PLD5: variants seen among roughly 807,000 people sequenced by gnomAD.
PLD5 encodes inactive phospholipase D5.
In PLD5, 36 loss-of-function variants were observed where a neutral mutation model predicts 61.1. That is an observed-to-expected ratio of 0.59 (90% CI 0.45 to 0.78). The LOEUF (loss-of-function observed/expected upper bound fraction) is 0.78, where lower values mean the gene tolerates loss of function less well. Ranked by LOEUF, PLD5 falls within the 30% of genes least tolerant of loss-of-function variation. The pLI, the probability that PLD5 is intolerant of heterozygous loss-of-function variation, is 0.00. For missense variants in PLD5, 515 were observed against 644.4 expected, an observed-to-expected ratio of 0.80 and a Z score of 2.17; for synonymous variants, 243 against 242.8, an observed-to-expected ratio of 1.00 and a Z score of -0.01.
At chr1:242,488,819 G>A (rs1289860632) in intron 1 of PLD5, among the ~76,000 whole-genome samples, 1 of 152,134 alleles carries the variant, frequency 6.6e-6, no homozygotes, top group Non-Finnish European at 1.5e-5. Context: ...GATAAGGGAA[G>A]CTGTCAGGGA....
chr1:242,334,025 T>C (rs1971826), intron 2 of PLD5, among the ~76,000 whole-genome samples: 134,827 of 152,170 alleles, frequency 0.89, 59,911 homozygotes, highest in East Asian at 0.95. Flanking sequence ...AGTAGTGGAA[T>C]TGCTGAATCA....
chr1:242,467,463 CAA>C (rs1399729744), intron 1 of PLD5, among the ~76,000 whole-genome samples: 4 of 152,134 alleles, frequency 2.6e-5, no homozygotes, highest in African/African-American at 9.7e-5. Context: ...GTTTTTATAG[CAA>C]AGAGTCCCTT....
At chr1:242,257,038 T>TTCTATCTATCTA (rs35243238) in intron 4 of PLD5, among the ~76,000 whole-genome samples, 7,518 of 142,288 alleles carry the variant, frequency 0.053, 242 homozygotes, top group Middle Eastern at 0.06. Context: ...CCTACCTACC[T>TTCTATCTATCTA]TCTATCTATC....
intron 1 of PLD5, among the ~76,000 whole-genome samples, chr1:242,492,176 A>C (rs964453384): frequency 2.6e-5 from 4 of 151,868 alleles, no homozygotes; most frequent in Non-Finnish European, 5.9e-5. Flanking sequence ...TCTGCTGTTC[A>C]CCTCTCCTCC....
chr1:242,224,139 ATTG>A (rs1670780217), intron 4 of PLD5, among the ~76,000 whole-genome samples: 3 of 152,328 alleles, frequency 2.0e-5, no homozygotes, highest in Admixed American at 1.3e-4. Context: ...TTTATTTCAT[ATTG>A]TTGTGTTAGA....
In PLD5 at chr1:242,124,917, T is replaced by A. The variant is rs186032443; in HGVS notation, c.736-252A>T. 4.7e-4 allele frequency among the ~76,000 whole-genome samples: 72 copies of A among 152,350 alleles called. 2 individuals carry two copies. The highest frequency in any genetic ancestry group is 1.7e-3 in the African/African-American group (69 of 41,582). On this transcript the variant is annotated intron_variant, in intron 5 of 9. Coordinates refer to ENST00000536534, the MANE Select transcript of PLD5 (RefSeq NM_001372062.1). ...AGTCATCTATAATTTCTTATATTCA[T>A]CTATACTTTTCACATCAGCTCTTCA...
At chr1:242,167,111 A>ATAAT (rs1558297258) in intron 5 of PLD5, among the ~76,000 whole-genome samples, 123 of 145,048 alleles carry the variant, frequency 8.5e-4, no homozygotes, top group African/African-American at 2.0e-3. Context: ...AATAATAATA[A>ATAAT]TAATAAATAG....
At chr1:242,351,160 C>A (rs1660454601) in intron 1 of PLD5, among the ~76,000 whole-genome samples, 1 of 152,142 alleles carries the variant, frequency 6.6e-6, no homozygotes, top group South Asian at 2.1e-4. Flanking sequence ...CTCAGTCTCC[C>A]AAAGTGCCGG....
rs572340204 is a variant in PLD5, at chr1:242,216,882, T to A, written c.735+3106A>T. On this transcript the variant is annotated intron_variant, in intron 5 of 9. Coordinates refer to ENST00000536534, the MANE Select transcript of PLD5 (RefSeq NM_001372062.1). ...CTCTGTTAGGTGCTGATGAGGCTGG[T>A]GATTTTAAGTTGAAGCCAATACACA... is the stretch of plus-strand genomic sequence containing the variant. Among the ~76,000 whole-genome samples the A allele has an allele frequency of 9.8e-5, 15 of 152,332 alleles. No homozygotes were observed. The South Asian group carries it at 2.9e-3, about 29-fold the overall frequency.
chr1:242,514,903 T>G (rs1159985184), intron 1 of PLD5, among the ~76,000 whole-genome samples: 1 of 152,084 alleles, frequency 6.6e-6, no homozygotes, highest in Non-Finnish European at 1.5e-5. Context: ...CTCCATGGGT[T>G]AGAGAGGACA....
At chr1:242,200,376 T>A (rs913569051) in intron 5 of PLD5, among the ~76,000 whole-genome samples, 1 of 152,214 alleles carries the variant, frequency 6.6e-6, no homozygotes, top group Non-Finnish European at 1.5e-5. Flanking sequence ...CTGTGGTGAG[T>A]CTAAGACTAA....
intron 1 of PLD5, among the ~76,000 whole-genome samples, chr1:242,507,076 C>T (rs1355207728): frequency 6.6e-6 from 1 of 152,188 alleles, no homozygotes; most frequent in Non-Finnish European, 1.5e-5. Context: ...GGGTCTATCT[C>T]TGGACTTTAT....
At chr1:242,358,358 C>T (rs1213872931) in intron 1 of PLD5, among the ~76,000 whole-genome samples, 2 of 150,982 alleles carry the variant, frequency 1.3e-5, no homozygotes, top group African/African-American at 4.9e-5. Context: ...CAGAGAAAGC[C>T]ACCTTTTCTG....
At chr1:242,306,700 A>C (rs1676370487) in intron 2 of PLD5, among the ~76,000 whole-genome samples, 3 of 152,048 alleles carry the variant, frequency 2.0e-5, no homozygotes, top group African/African-American at 7.2e-5. Context: ...TCATATTACC[A>C]AGGAATGCTA....
intron 4 of PLD5, among the ~76,000 whole-genome samples, chr1:242,255,209 G>A (rs1226895400): frequency 1.3e-5 from 2 of 151,912 alleles, no homozygotes; most frequent in Non-Finnish European, 2.9e-5. Context: ...CCTCCTTAAC[G>A]ATGGCAACCT....
In PLD5 at chr1:242,348,087, T is replaced by A; in HGVS notation, c.326+19A>T. 1 of 1,611,412 alleles carries A rather than the reference T, an allele frequency of 6.2e-7. No individual in the cohort carries two copies. Reference sequence around the variant, plus strand: ...CTTGCCCGCCCCCTAAAAGAGAATTTTTGTTTGTTACCTCTTACCGACATT... The same window carrying A: ...CTTGCCCGCCCCCTAAAAGAGAATTATTGTTTGTTACCTCTTACCGACATT... On this transcript the variant is annotated intron_variant, in intron 2 of 9. Coordinates refer to ENST00000536534, the MANE Select transcript of PLD5 (RefSeq NM_001372062.1).
intron 1 of PLD5, chr1:242,376,837 T>C (rs1471793908): frequency 7.2e-7 from 1 of 1,392,544 alleles, no homozygotes; most frequent in Non-Finnish European, 9.6e-7. Context: ...CTGTTAATTC[T>C]ATTATCCCAC....
intron 5 of PLD5, among the ~76,000 whole-genome samples, chr1:242,186,440 C>T (rs1202307199): frequency 1.3e-5 from 2 of 152,156 alleles, no homozygotes; most frequent in African/African-American, 4.8e-5. Context: ...GCCTTGGCTT[C>T]CCCAAGTGCT....
At chr1:242,126,355 CA>C (rs1330609637) in intron 5 of PLD5, among the ~76,000 whole-genome samples, 1 of 152,144 alleles carries the variant, frequency 6.6e-6, no homozygotes, top group Non-Finnish European at 1.5e-5. Flanking sequence ...TAGGCCAAAG[CA>C]AGACTAAGCG....
Sources: gnomAD v4.1 joint callset for allele counts (sites outside exome capture counted in the v4.1 genomes callset) on GRCh38, gnomAD v4.1.1 for gene constraint, MANE v1.5 for transcripts, NCBI Gene and HGNC (gene_info 2026-07-23, HGNC 2026-07-21) for gene names.